COL12A1: variants seen among roughly 807,000 people sequenced by gnomAD.
COL12A1 encodes the protein collagen alpha-1(XII) chain.
COL12A1 carries 114 observed loss-of-function variants against 349.7 expected under a neutral mutation model. The observed-to-expected ratio is 0.33, with a 90% CI of 0.28 to 0.38. COL12A1 has a LOEUF of 0.38. Among genes scored for constraint, COL12A1 ranks in the 10% least tolerant of loss-of-function variants. COL12A1 has a pLI of 1.00. For synonymous variants in COL12A1, 1,369 were observed against 1,329.0 expected (o/e 1.03, Z -0.66); for missense variants, 3,284 against 3,756.9 (o/e 0.87, Z 3.29).
chr6:75,143,501 A>T, intron 25 of COL12A1, 113 bp from the exon 26 acceptor site: 4 of 1,113,816 alleles, frequency 3.6e-6, no homozygotes, highest in Non-Finnish European at 3.8e-6. Flanking sequence ...TGTTTGGCAA[A>T]ATAACTGAAA....
chr6:75,204,493 C>G (rs1358835039), intron 1 of COL12A1, among the ~76,000 whole-genome samples: 2 of 152,120 alleles, frequency 1.3e-5, no homozygotes, highest in Non-Finnish European at 2.9e-5. Context: ...CCAAGCATCC[C>G]GTCAATATAT....
intron 49 of COL12A1, among the ~76,000 whole-genome samples, chr6:75,114,636 C>T (rs1432084592): frequency 6.6e-6 from 1 of 152,062 alleles, no homozygotes; most frequent in East Asian, 1.9e-4. Flanking sequence ...ACAAAGCTTT[C>T]ATGTCCTAAT....
intron 31 of COL12A1, among the ~76,000 whole-genome samples, chr6:75,135,176 T>C (rs1766526977): frequency 1.3e-5 from 2 of 151,932 alleles, no homozygotes; most frequent in South Asian, 4.2e-4. Flanking sequence ...GGGGGACTAA[T>C]CATAAGTGAG....
chr6:75,132,205 T>C, intron 34 of COL12A1, 123 bp from the exon 35 acceptor site: 1 of 1,231,472 alleles, frequency 8.1e-7, no homozygotes, highest in East Asian at 2.4e-5. Context: ...ATACTTCTAA[T>C]TACCTACACA....
chr6:75,162,621 A>T (rs1270992554), intron 14 of COL12A1, among the ~76,000 whole-genome samples: 2 of 152,210 alleles, frequency 1.3e-5, no homozygotes, highest in African/African-American at 4.8e-5. Flanking sequence ...CATGACTAAA[A>T]CACCAAAAGC....
chr6:75,197,332 G>A (rs1372796079), intron 2 of COL12A1, among the ~76,000 whole-genome samples: 2 of 72,060 alleles, frequency 2.8e-5, no homozygotes, highest in East Asian at 3.8e-4. Context: ...TTTTTTTTGA[G>A]ACGGAGTTTC....
At chr6:75,187,700 T>G (rs1769705556) in intron 8 of COL12A1, among the ~76,000 whole-genome samples, 1 of 152,244 alleles carries the variant, frequency 6.6e-6, no homozygotes, top group East Asian at 1.9e-4. Context: ...GAATTTATGT[T>G]TAATCACTTA....
At chr6:75,196,012 T>C (rs1770210936) in intron 2 of COL12A1, among the ~76,000 whole-genome samples, 1 of 152,170 alleles carries the variant, frequency 6.6e-6, no homozygotes, top group Non-Finnish European at 1.5e-5. Flanking sequence ...GTCAATGAAA[T>C]GTTGACTTGT....
intron 32 of COL12A1, 141 bp from the exon 33 acceptor site, chr6:75,134,138 C>T: frequency 1.1e-6 from 1 of 871,824 alleles, no homozygotes; most frequent in Non-Finnish European, 1.7e-6. Flanking sequence ...ATAAACGACA[C>T]ACACTGTGTC....
intron 17 of COL12A1, 139 bp downstream of exon 17, chr6:75,154,277 T>G: frequency 1.0e-6 from 1 of 967,592 alleles, no homozygotes; most frequent in Non-Finnish European, 1.4e-6. Flanking sequence ...AGAATTTTTT[T>G]GCTAAGTATG....
chr6:75,181,051 G>C lies in COL12A1; in HGVS notation c.2052C>G (p.Thr684=). 1.2e-6 allele frequency: 2 copies of C among 1,613,962 alleles called. No individual in the cohort carries two copies. The highest frequency in any genetic ancestry group is 1.7e-6 in the Non-Finnish European group (2 of 1,180,006). ...EVTVVEPASS[T]SVVLSSLKPE... Reference sequence around the variant, plus strand: ...GCTTCAGGCTGCTGAGAACAACACTGGTGCTCGATGCTGGCTCCACCACAG... The same window carrying C: ...GCTTCAGGCTGCTGAGAACAACACTCGTGCTCGATGCTGGCTCCACCACAG... Residue 684 remains threonine (T), a synonymous_variant, in exon 11 of 66, where the codon ACC becomes ACG. Coordinates refer to ENST00000322507, the MANE Select transcript of COL12A1 (RefSeq NM_004370.6).
chr6:75,108,878 G>T, intron 52 of COL12A1, 140 bp downstream of exon 52: 1 of 842,008 alleles, frequency 1.2e-6, no homozygotes, highest in Non-Finnish European at 1.9e-6. Flanking sequence ...TTCTTCCAAT[G>T]TTTTGATCTG....
chr6:75,138,873 C>T lies in COL12A1; in HGVS notation c.5046G>A (p.Val1682=). ...GTGCCCAAGTTATTCTGTAGAGAGA[C>T]ACATCTGAAGCTCCATGATCCCAAG... ...RGTWDHGASD[V]SLYRITWAPF... The change falls in exon 28 of 66, where the codon GTG becomes GTA. Residue 1682 remains valine (V), a synonymous_variant. Transcript: ENST00000322507. 3 of 1,614,112 alleles carry T rather than the reference C, an allele frequency of 1.9e-6. No individual in the cohort carries two copies. The highest frequency in any genetic ancestry group is 1.7e-6 in the Non-Finnish European group (2 of 1,179,962).
At chr6:75,103,217 C>G (rs183381851) in intron 55 of COL12A1, among the ~76,000 whole-genome samples, 1 of 152,274 alleles carries the variant, frequency 6.6e-6, no homozygotes, top group African/African-American at 2.4e-5. Flanking sequence ...TTGCCCTTTC[C>G]TAATGGGGTT....
Position 75,194,814 on chromosome 6 carries a change from C to T in COL12A1, c.190+17G>A. ...ATCATGATGCTTCTGTCCTAAAACC[C>T]CAGTCTCAAAACTTACCCGTTGTAG... On this transcript the variant is annotated intron_variant, in intron 3 of 65. Transcript: ENST00000322507. 2 of 1,503,370 alleles carry T rather than the reference C, an allele frequency of 1.3e-6. No individual in the cohort carries two copies. Among genetic ancestry groups the T allele is most frequent in the Non-Finnish European group, 1.8e-6 (2 of 1,091,134 alleles). 93.1% of individuals were successfully genotyped at this position (1,503,370 alleles called of 1,614,324 possible).
intron 31 of COL12A1, 74 bp downstream of exon 31, chr6:75,137,363 G>T: frequency 1.5e-6 from 2 of 1,334,990 alleles, no homozygotes; most frequent in African/African-American, 1.5e-5. Context: ...GACTAACTAA[G>T]CACTGAGGGG....
At chr6:75,101,414 C>A (rs913812781) in intron 58 of COL12A1, among the ~76,000 whole-genome samples, 186 bp downstream of exon 58, 2 of 152,206 alleles carry the variant, frequency 1.3e-5, no homozygotes, top group Non-Finnish European at 2.9e-5. Flanking sequence ...AGTCCCACCA[C>A]TTTATTTCAA....
At chr6:75,181,827 C>A (rs201744439) in intron 10 of COL12A1, among the ~76,000 whole-genome samples, 1 of 151,470 alleles carries the variant, frequency 6.6e-6, no homozygotes, top group Non-Finnish European at 1.5e-5. Flanking sequence ...TGGGGGCTAA[C>A]GCCTATGATC....
chr6:75,093,629 C>A (rs1049321732), intron 60 of COL12A1, among the ~76,000 whole-genome samples: 1 of 152,126 alleles, frequency 6.6e-6, no homozygotes, highest in East Asian at 1.9e-4. Context: ...TTATCTATTT[C>A]TTTGCCAAAA....
Sources: allele counts gnomAD v4.1 joint callset (sites outside exome capture counted in the v4.1 genomes callset), GRCh38; gene constraint gnomAD v4.1.1; transcripts MANE v1.5; gene names NCBI Gene and HGNC (gene_info 2026-07-23, HGNC 2026-07-21).